Variants in BPTF observed in about 807,000 individuals in gnomAD.
The protein encoded by BPTF is nucleosome-remodeling factor subunit BPTF.
In BPTF, 18 loss-of-function variants were observed where a neutral mutation model predicts 292.5. That is an observed-to-expected ratio of 0.06 (90% CI 0.04 to 0.09). The LOEUF is 0.09. Among genes scored for constraint, BPTF ranks in the 10% least tolerant of loss-of-function variants. The pLI, the probability that BPTF is intolerant of heterozygous loss-of-function variation, is 1.00. For missense variants in BPTF, 2,726 were observed against 3,498.7 expected (o/e 0.78, Z 5.57); for synonymous variants, 1,225 against 1,251.9 (o/e 0.98, Z 0.45).
intron 21 of BPTF, among the ~76,000 whole-genome samples, chr17:67,947,167 C>T (rs1178464356): frequency 1.3e-5 from 2 of 152,028 alleles, no homozygotes; most frequent in African/African-American, 2.4e-5. Flanking sequence ...TTTTACACAG[C>T]GAAGTTATTT....
chr17:67,922,690 C>T (rs1454690744), intron 13 of BPTF, 150 bp from the exon 14 acceptor site: 3 of 794,688 alleles, frequency 3.8e-6, no homozygotes, highest in Non-Finnish European at 5.8e-6. Context: ...TGGCTGCTTT[C>T]ATGATACAAA....
intron 4 of BPTF, among the ~76,000 whole-genome samples, chr17:67,877,028 G>C (rs1172666978): frequency 6.6e-6 from 1 of 151,934 alleles, no homozygotes; most frequent in African/African-American, 2.4e-5. Context: ...CTTGAGTAGA[G>C]TAAAAAACAA....
chr17:67,890,188 A>C (rs1364466874), intron 4 of BPTF, among the ~76,000 whole-genome samples: 1 of 152,204 alleles, frequency 6.6e-6, no homozygotes, highest in Non-Finnish European at 1.5e-5. Context: ...GTTTTGATAG[A>C]AATACATCAA....
chr17:67,912,813 T>C lies in BPTF; in HGVS notation c.4929T>C (p.Ser1643=), dbSNP rs746623049. Residue 1643 remains serine (S), a synonymous_variant, in exon 11 of 28, where the codon AGT becomes AGC. Transcript: ENST00000306378. ...TKLSTPSTGG[S]VDIISVKEQS... is the part of the protein sequence containing the mutation. ...TTTCCACACCCTCCACAGGCGGCAG[T>C]GTGGACATCATCTCTGTAAAGGAGC... is the stretch of plus-strand genomic sequence containing the variant. The C allele has an allele frequency of 6.2e-7, 1 of 1,614,146 alleles. No homozygotes were observed. Among genetic ancestry groups the C allele is most frequent in the Non-Finnish European group, 8.5e-7 (1 of 1,180,018 alleles).
At chr17:67,923,514 G>A (rs1166002736) in intron 14 of BPTF, among the ~76,000 whole-genome samples, 4 of 108,396 alleles carry the variant, frequency 3.7e-5, no homozygotes, top group Admixed American at 2.9e-4. Context: ...GCAGAGTCTC[G>A]CTCTGTCAGC....
intron 1 of BPTF, among the ~76,000 whole-genome samples, chr17:67,839,486 C>T (rs2057390152): frequency 6.6e-6 from 1 of 152,018 alleles, no homozygotes; most frequent in Non-Finnish European, 1.5e-5. Context: ...ATTGATCCAC[C>T]CTTACATTCC....
chr17:67,867,066 G>A (rs1358496763), intron 3 of BPTF, among the ~76,000 whole-genome samples: 1 of 152,214 alleles, frequency 6.6e-6, no homozygotes, highest in Non-Finnish European at 1.5e-5. Context: ...CACGTATGTG[G>A]TTCCTGGTGG....
chr17:67,909,705 A>G lies in BPTF; in HGVS notation c.2936A>G (p.Lys979Arg), dbSNP rs781149476. The change falls in exon 10 of 28, where the codon AAA becomes AGA. Residue 979 changes from lysine (K) to arginine (R), a missense_variant. By Grantham distance (26) the Lys-to-Arg change is conservative. Around this residue, in one of 22 missense-constraint regions of BPTF, gnomAD observed 713 missense variants for 714.9 expected, o/e 1.00. Coordinates refer to ENST00000306378, the MANE Select transcript of BPTF (RefSeq NM_182641.4). ...KDEVKGSDAA[K>R]GADQNEMDIS... ...GAGGTAAAAGGTTCAGATGCTGCAA[A>G]AGGAGCAGACCAAAATGAAATGGAT... The G allele has an allele frequency of 6.3e-7, 1 of 1,598,036 alleles. No individual in the cohort carries two copies. Among genetic ancestry groups the G allele is most frequent in the Non-Finnish European group, 8.5e-7 (1 of 1,174,926 alleles).
At chr17:67,947,306 TAG>T (rs2065887622) in intron 21 of BPTF, among the ~76,000 whole-genome samples, 1 of 152,200 alleles carries the variant, frequency 6.6e-6, no homozygotes, top group East Asian at 1.9e-4. Flanking sequence ...AATCTTTGTA[TAG>T]GGGAGACGAG....
Position 67,912,886 on chromosome 17 carries a change from A to C in BPTF, c.5002A>C (p.Thr1668Pro), listed in dbSNP as rs752886514. 3 of 1,614,172 alleles carry C rather than the reference A, an allele frequency of 1.9e-6. No individual in the cohort carries two copies. Among genetic ancestry groups the C allele is most frequent in the Non-Finnish European group, 2.5e-6 (3 of 1,180,032 alleles). ...TTTVTDSLTT[T>P]GGTLVTSMTV... ...GACAGTGACAGACTCCCTGACCACC[A>C]CGGGAGGCACACTGGTTACATCTAT... Residue 1668 changes from threonine (T) to proline (P), a missense_variant, in exon 11 of 28, where the codon ACG becomes CCG. Physicochemically the swap from Thr to Pro is conservative, Grantham distance 38 (BLOSUM62 -1). Around this residue, in one of 22 missense-constraint regions of BPTF, gnomAD observed 144 missense variants for 177.2 expected, o/e 0.81. Coordinates refer to ENST00000306378, the MANE Select transcript of BPTF (RefSeq NM_182641.4).
At chr17:67,972,198 T>C (rs1409037038) in intron 26 of BPTF, among the ~76,000 whole-genome samples, 1 of 152,132 alleles carries the variant, frequency 6.6e-6, no homozygotes, top group Non-Finnish European at 1.5e-5. Flanking sequence ...TCTCGAGATA[T>C]TTGGATTGTT....
chr17:67,875,425 A>G (rs1049079254), intron 4 of BPTF: 1 of 543,880 alleles, frequency 1.8e-6, no homozygotes, highest in Admixed American at 3.4e-5. Flanking sequence ...CCGAGAATCT[A>G]CTTGCTTTAA....
chr17:67,981,539 C>A, intron 27 of BPTF: 1 of 1,094,172 alleles, frequency 9.1e-7, no homozygotes, highest in South Asian at 2.2e-5. Flanking sequence ...AAAATTGCCC[C>A]CCAAAAAGTC....
chr17:67,893,914 AT>A, intron 6 of BPTF, 119 bp from the exon 7 acceptor site: 1 of 1,317,522 alleles, frequency 7.6e-7, no homozygotes, highest in Non-Finnish European at 1.1e-6. Context: ...TATTTGGAGG[AT>A]TTTTAGGAGT....
At chr17:67,907,644 C>T in intron 9 of BPTF, among the ~76,000 whole-genome samples, 1 of 152,208 alleles carries the variant, frequency 6.6e-6, no homozygotes, top group East Asian at 1.9e-4. Context: ...GTGTGAGTCA[C>T]TGCTCCCAGC....
intron 23 of BPTF, chr17:67,951,416 A>C (rs1264734343): frequency 6.6e-6 from 1 of 152,208 alleles, no homozygotes; most frequent in African/African-American, 2.4e-5. Context: ...CACAAAGAGG[A>C]GATTGGTCAT....
intron 2 of BPTF, among the ~76,000 whole-genome samples, chr17:67,855,528 A>G (rs1387620946): frequency 6.6e-6 from 1 of 152,174 alleles, no homozygotes; most frequent in Non-Finnish European, 1.5e-5. Context: ...GGAATCCCCC[A>G]GGAGAAGATG....
At chr17:67,970,746 T>C (rs926368239) in intron 26 of BPTF, among the ~76,000 whole-genome samples, 9 of 152,258 alleles carry the variant, frequency 5.9e-5, no homozygotes, top group African/African-American at 1.9e-4. Flanking sequence ...TTTTGTAAAC[T>C]TAATACTTTT....
In BPTF at chr17:67,826,060, C is replaced by T. The variant is rs748123787; in HGVS notation, c.336C>T (p.Ala112=). Residue 112 remains alanine (A), a synonymous_variant, in exon 1 of 28, where the codon GCC becomes GCT. Coordinates refer to ENST00000306378, the MANE Select transcript of BPTF (RefSeq NM_182641.4). The stretch of plus-strand genomic sequence containing the variant: ...GCGGGGGCGGCGGCGGCCACCTGGC[C>T]CGGACCACCGCGGCCCGGAGGGCCG... ...TGGGGGGGHL[A]RTTAARRAVN... 4.7e-6 allele frequency: 6 copies of T among 1,267,330 alleles called. No individual in the cohort carries two copies. In the South Asian group the frequency reaches 5.1e-5, roughly 11 times the overall value. The allele number at this position is 1,267,330 out of a possible 1,614,324, so 78.5% of individuals were successfully genotyped here.
Sources: allele counts gnomAD v4.1 joint callset (sites outside exome capture counted in the v4.1 genomes callset), GRCh38; gene constraint gnomAD v4.1.1; regional missense constraint gnomAD v4.1.1; transcripts MANE v1.5; gene names NCBI Gene and HGNC (gene_info 2026-07-23, HGNC 2026-07-21).